The following ZMAT4 variants were observed in gnomAD, a reference collection of about 807,000 sequenced individuals.
ZMAT4 encodes the protein zinc finger matrin-type 4, also known as zinc finger matrin-type protein 4.
In ZMAT4, 17 loss-of-function variants were observed where a neutral mutation model predicts 28.7. That is an observed-to-expected ratio of 0.59 (90% confidence interval 0.41 to 0.89). ZMAT4 has a LOEUF of 0.89. Ranked by LOEUF, ZMAT4 falls within the 40% of genes least tolerant of loss-of-function variation. The pLI is 0.00. For synonymous variants in ZMAT4, 117 were observed against 109.2 expected, an observed-to-expected ratio of 1.07 and a Z score of -0.44; for missense variants, 240 against 283.8, an observed-to-expected ratio of 0.85 and a Z score of 1.11.
chr8:40,624,877 G>A (rs571133975), intron 5 of ZMAT4, among the ~76,000 whole-genome samples: 1 of 152,320 alleles, frequency 6.6e-6, no homozygotes, highest in African/African-American at 2.4e-5. Flanking sequence ...ACAATGGACA[G>A]AGTTCATGCC....
At chr8:40,649,974 GAAAGATCCAA>G (rs1437412716) in intron 5 of ZMAT4, among the ~76,000 whole-genome samples, 1 of 151,742 alleles carries the variant, frequency 6.6e-6, no homozygotes, top group Admixed American at 6.6e-5. Context: ...GAGAAAGCAG[GAAAGATCCAA>G]AATTGACACC....
chr8:40,539,274 C>T (rs547073181), intron 6 of ZMAT4, among the ~76,000 whole-genome samples: 1 of 152,156 alleles, frequency 6.6e-6, no homozygotes, highest in Non-Finnish European at 1.5e-5. Context: ...TAAATAAACA[C>T]ATGAGGAAAA....
intron 5 of ZMAT4, among the ~76,000 whole-genome samples, chr8:40,589,695 G>T (rs372513611): frequency 7.6e-6 from 1 of 131,474 alleles, no homozygotes; most frequent in East Asian, 2.4e-4. Flanking sequence ...TACACTTAGA[G>T]ACCTTCCTTC....
chr8:40,628,778 C>A (rs1457900109), intron 5 of ZMAT4, among the ~76,000 whole-genome samples: 1 of 152,164 alleles, frequency 6.6e-6, no homozygotes, highest in Non-Finnish European at 1.5e-5. Flanking sequence ...TTACTTCCAA[C>A]ATCACTTCTG....
At chr8:40,741,480 G>A (rs189139786) in intron 3 of ZMAT4, among the ~76,000 whole-genome samples, 148 of 151,130 alleles carry the variant, frequency 9.8e-4, no homozygotes, top group Admixed American at 2.9e-3. Flanking sequence ...CGTAGGAAAC[G>A]ATGATCTTGC....
intron 2 of ZMAT4, among the ~76,000 whole-genome samples, chr8:40,820,905 G>GCGTGTA: frequency 9.8e-6 from 1 of 102,286 alleles, no homozygotes; most frequent in Non-Finnish European, 2.0e-5. Context: ...GTGTGTGTTT[G>GCGTGTA]TGTGTATGTG....
chr8:40,576,545 A>AC (rs1017134875), intron 6 of ZMAT4, among the ~76,000 whole-genome samples: 2 of 152,006 alleles, frequency 1.3e-5, no homozygotes, highest in African/African-American at 4.8e-5. Context: ...AAAAAAAAAA[A>AC]ACTGTCAGTC....
intron 6 of ZMAT4, among the ~76,000 whole-genome samples, chr8:40,576,551 C>G (rs905869033): frequency 6.7e-6 from 1 of 148,210 alleles, no homozygotes; most frequent in Non-Finnish European, 1.5e-5. Context: ...AAAAAACTGT[C>G]AGTCAAGAAT....
At chr8:40,577,159 A>T (rs778331410) in intron 6 of ZMAT4, among the ~76,000 whole-genome samples, 3 of 151,984 alleles carry the variant, frequency 2.0e-5, no homozygotes, top group Non-Finnish European at 2.9e-5. Flanking sequence ...GTGCCATTGC[A>T]CTCCAGCCTG....
intron 1 of ZMAT4, among the ~76,000 whole-genome samples, chr8:40,868,449 C>T (rs75599689): frequency 0.063 from 9,573 of 152,244 alleles, 332 homozygotes; most frequent in Non-Finnish European, 0.069. Context: ...CCTATGTCTG[C>T]ACTGTCTGAG....
intron 2 of ZMAT4, among the ~76,000 whole-genome samples, chr8:40,799,872 G>C (rs190892550): frequency 1.1e-4 from 16 of 152,144 alleles, no homozygotes; most frequent in Admixed American, 7.9e-4. Context: ...AAGTAGACTT[G>C]GATTAGTTGT....
chr8:40,613,180 C>CTTTTTTTTTTTT (rs34687121), intron 5 of ZMAT4, among the ~76,000 whole-genome samples: 1 of 79,968 alleles, frequency 1.3e-5, no homozygotes, highest in Non-Finnish European at 2.2e-5. Flanking sequence ...TACTTTCTTT[C>CTTTTTTTTTTTT]TTTTTTTTTT....
At chr8:40,895,041 G>T (rs1818822412) in intron 1 of ZMAT4, among the ~76,000 whole-genome samples, 1 of 152,168 alleles carries the variant, frequency 6.6e-6, no homozygotes, top group Non-Finnish European at 1.5e-5. Flanking sequence ...GATAACAGAA[G>T]GATGACAGGG....
intron 2 of ZMAT4, among the ~76,000 whole-genome samples, chr8:40,800,208 T>C (rs1189785695): frequency 1.3e-5 from 2 of 152,190 alleles, no homozygotes; most frequent in East Asian, 3.9e-4. Context: ...ATCCTTAAAG[T>C]GTATAGACCT....
chr8:40,710,431 A>G lies in ZMAT4; in HGVS notation c.193-13030T>C, dbSNP rs1361767163. Among the ~76,000 whole-genome samples, 3 of 152,198 alleles carry G rather than the reference A, an allele frequency of 2.0e-5. No individual in the cohort carries two copies. In the East Asian group the frequency reaches 5.8e-4, roughly 29 times the overall value. ...ATACAGGCGAGTATCAAACCCTGTA[A>G]TTGTGATTTGAATTGGAAGTGTTAG... On this transcript the variant is annotated intron_variant, in intron 3 of 6. Transcript: ENST00000297737.
Position 40,825,970 on chromosome 8 carries a change from A to G in ZMAT4, c.-4-290T>C, listed in dbSNP as rs188170616. ...ATATCTAATGCCTTGTCAAGAGTTT[A>G]TGTGAGGGCAGGGCACCGTGGCTCA... is the stretch of plus-strand genomic sequence containing the variant. On this transcript the variant is annotated intron_variant, in intron 1 of 6. Coordinates refer to ENST00000297737, the MANE Select transcript of ZMAT4 (RefSeq NM_024645.3). 1.5e-3 allele frequency among the ~76,000 whole-genome samples: 221 copies of G among 152,330 alleles called. 1 individual carries two copies. The highest frequency in any genetic ancestry group is 2.1e-3 in the Non-Finnish European group (145 of 68,024).
chr8:40,866,024 C>T (rs1248365139), intron 1 of ZMAT4, among the ~76,000 whole-genome samples: 1 of 152,232 alleles, frequency 6.6e-6, no homozygotes, highest in Non-Finnish European at 1.5e-5. Flanking sequence ...CTGAATGTCT[C>T]CTGGCTGAAA....
chr8:40,610,507 T>C (rs1040520523), intron 5 of ZMAT4, among the ~76,000 whole-genome samples: 2 of 151,984 alleles, frequency 1.3e-5, no homozygotes, highest in East Asian at 1.9e-4. Context: ...ATTCTATATA[T>C]ATATATATTT....
At chr8:40,709,751 T>C (rs1170232655) in intron 3 of ZMAT4, among the ~76,000 whole-genome samples, 1 of 152,078 alleles carries the variant, frequency 6.6e-6, no homozygotes, top group African/African-American at 2.4e-5. Context: ...GAATTGGTGG[T>C]AGTTGAGCCG....
Sources: allele counts gnomAD v4.1 joint callset (sites outside exome capture counted in the v4.1 genomes callset), GRCh38; gene constraint gnomAD v4.1.1; transcripts MANE v1.5; gene names NCBI Gene and HGNC (gene_info 2026-07-23, HGNC 2026-07-21).